Variants in TSPAN15 observed in about 807,000 individuals in gnomAD.
TSPAN15 encodes tetraspanin 15.
TSPAN15 carries 20 observed loss-of-function variants against 34.5 expected under a neutral mutation model. The ratio of observed to expected loss-of-function variants is 0.58; its 90% CI spans 0.41 to 0.84. The LOEUF is 0.84. Among genes scored for constraint, TSPAN15 ranks in the 40% least tolerant of loss-of-function variants. The probability of loss-of-function intolerance (pLI) is 0.00; values close to 1 mark genes in which losing one functional copy is unlikely to be tolerated. For missense variants in TSPAN15, 313 were observed against 386.1 expected (o/e 0.81, Z 1.59); for synonymous variants, 155 against 153.9 (o/e 1.01, Z -0.05).
intron 1 of TSPAN15, among the ~76,000 whole-genome samples, chr10:69,459,729 A>G (rs5024474): frequency 0.4 from 60,477 of 151,794 alleles, 12,557 homozygotes; most frequent in Non-Finnish European, 0.45. Context: ...TGGTCTTGCC[A>G]TCCAGAGACC....
At chr10:69,503,813 G>C (rs1842262370) in intron 5 of TSPAN15, among the ~76,000 whole-genome samples, 1 of 152,236 alleles carries the variant, frequency 6.6e-6, no homozygotes, top group Non-Finnish European at 1.5e-5. Context: ...CTGTGAGTTA[G>C]GGCCTGCCTG....
At chr10:69,513,454 AC>A in the TSPAN15 span, among the ~76,000 whole-genome samples, 4 of 151,820 alleles carry the variant, frequency 2.6e-5, no homozygotes, top group African/African-American at 4.8e-5. Flanking sequence ...GGATCTTCCC[AC>A]CTCAGCCTCC....
At chr10:69,537,269 G>GCCA in the TSPAN15 span, among the ~76,000 whole-genome samples, 2 of 152,190 alleles carry the variant, frequency 1.3e-5, no homozygotes, top group African/African-American at 4.8e-5. Context: ...CCGTGAAAGA[G>GCCA]TATGGCACTG....
At chr10:69,500,654 T>G (rs1323785207) in intron 5 of TSPAN15, among the ~76,000 whole-genome samples, 1 of 152,172 alleles carries the variant, frequency 6.6e-6, no homozygotes, top group Non-Finnish European at 1.5e-5. Flanking sequence ...GGCAGTCTTT[T>G]GTTCTGTTCA....
chr10:69,484,245 G>T (rs1405230665), intron 2 of TSPAN15, among the ~76,000 whole-genome samples: 1 of 152,168 alleles, frequency 6.6e-6, no homozygotes, highest in Non-Finnish European at 1.5e-5. Flanking sequence ...GGCGCCACTG[G>T]GCAGGGTTGG....
At chr10:69,536,093 T>C in the TSPAN15 span, among the ~76,000 whole-genome samples, 333 of 152,296 alleles carry the variant, frequency 2.2e-3, 2 homozygotes, top group African/African-American at 7.3e-3. Flanking sequence ...AGCCACCTTT[T>C]TGGGAATAAA....
At chr10:69,494,247 G>A (rs780548489) in intron 3 of TSPAN15, among the ~76,000 whole-genome samples, 4 of 152,152 alleles carry the variant, frequency 2.6e-5, no homozygotes, top group Non-Finnish European at 5.9e-5. Flanking sequence ...TTGGGGCCTC[G>A]GTTTCCCACG....
chr10:69,481,583 C>T (rs1841736095), intron 1 of TSPAN15, among the ~76,000 whole-genome samples: 2 of 152,198 alleles, frequency 1.3e-5, no homozygotes, highest in Admixed American at 1.3e-4. Context: ...ACATGATGAT[C>T]AGTAAGGAGA....
intron 5 of TSPAN15, among the ~76,000 whole-genome samples, chr10:69,502,477 C>G (rs148262319): frequency 2.6e-5 from 4 of 152,318 alleles, no homozygotes; most frequent in African/African-American, 7.2e-5. Flanking sequence ...GATGCACACA[C>G]AAACATTGCT....
intron 3 of TSPAN15, among the ~76,000 whole-genome samples, chr10:69,493,846 C>T (rs908367210): frequency 3.3e-5 from 5 of 151,270 alleles, no homozygotes; most frequent in African/African-American, 1.2e-4. Context: ...AACTCCTGAC[C>T]TCAGGTGATC....
chr10:69,508,468 AAAG>A (rs747931154), downstream of TSPAN15, among the ~76,000 whole-genome samples: 7 of 139,270 alleles, frequency 5.0e-5, no homozygotes, highest in East Asian at 2.0e-4. Context: ...AAAAAAAAAA[AAAG>A]AAGAAGAAAT....
intron 3 of TSPAN15, among the ~76,000 whole-genome samples, chr10:69,490,267 T>A (rs1841940714): frequency 6.6e-6 from 1 of 152,142 alleles, no homozygotes; most frequent in African/African-American, 2.4e-5. Context: ...TATAAAGTTT[T>A]CCCTTGGTGT....
At chr10:69,478,703 G>A (rs548187934) in intron 1 of TSPAN15, among the ~76,000 whole-genome samples, 2 of 152,078 alleles carry the variant, frequency 1.3e-5, no homozygotes, top group African/African-American at 2.4e-5. Flanking sequence ...AAATACACAC[G>A]GATACAAAAG....
rs1290837267 is a variant in TSPAN15, at chr10:69,472,074, G to C, written c.97-11617G>C. ...ACCCACTGGCTTTAAACAATGCCTGGTGTGCAAAAACCACTCAGTCAATAG... is the reference window on the plus strand; with the variant it reads ...ACCCACTGGCTTTAAACAATGCCTGCTGTGCAAAAACCACTCAGTCAATAG... On this transcript the variant is annotated intron_variant, in intron 1 of 7. Coordinates refer to ENST00000373290, the MANE Select transcript of TSPAN15 (RefSeq NM_012339.5). Among the ~76,000 whole-genome samples the C allele has an allele frequency of 2.0e-5, 3 of 152,254 alleles. No individual in the cohort carries two copies. The East Asian group carries it at 5.8e-4, about 29-fold the overall frequency.
the TSPAN15 span, among the ~76,000 whole-genome samples, chr10:69,515,697 T>G: frequency 6.6e-6 from 1 of 152,218 alleles, no homozygotes. Flanking sequence ...GGTCCTGGCT[T>G]TCCACAGCTC....
chr10:69,507,030 T>G lies in TSPAN15; in HGVS notation c.*52T>G. The G allele has an allele frequency of 6.3e-7, 1 of 1,582,662 alleles. No homozygotes were observed. Among genetic ancestry groups the G allele is most frequent in the Non-Finnish European group, 8.6e-7 (1 of 1,165,882 alleles). On this transcript the variant is annotated 3_prime_UTR_variant, in exon 8 of 8. Transcript: ENST00000373290. ...CAAGGACCGTCTGGGATAGCACCTC[T>G]CAGTCAACATCGTGGGGCTGGACAG...
downstream of TSPAN15, among the ~76,000 whole-genome samples, chr10:69,512,143 G>A (rs1842421256): frequency 6.6e-6 from 1 of 152,184 alleles, no homozygotes; most frequent in African/African-American, 2.4e-5. Flanking sequence ...TCCATCCTGT[G>A]GTTGAGGACT....
At chr10:69,548,549 C>G in the TSPAN15 span, among the ~76,000 whole-genome samples, 1 of 152,214 alleles carries the variant, frequency 6.6e-6, no homozygotes, top group Non-Finnish European at 1.5e-5. Context: ...ACCTGGCTTT[C>G]TGCTGGAGAT....
At chr10:69,474,658 A>T (rs1001311272) in intron 1 of TSPAN15, among the ~76,000 whole-genome samples, 2 of 151,970 alleles carry the variant, frequency 1.3e-5, no homozygotes, top group Admixed American at 6.6e-5. Context: ...GTACTTTGAC[A>T]CAGGAATATA....
Sources: gnomAD v4.1 joint callset for allele counts (sites outside exome capture counted in the v4.1 genomes callset) on GRCh38, gnomAD v4.1.1 for gene constraint, MANE v1.5 for transcripts, NCBI Gene and HGNC (gene_info 2026-07-23, HGNC 2026-07-21) for gene names.